RABGEF1: variants seen among roughly 807,000 people sequenced by gnomAD.
The protein encoded by RABGEF1 is RAB guanine nucleotide exchange factor 1.
In RABGEF1, 26 loss-of-function variants were observed where a neutral mutation model predicts 57.3. The ratio of observed to expected loss-of-function variants is 0.45; its 90% CI spans 0.33 to 0.63. The LOEUF is 0.63. Among genes scored for constraint, RABGEF1 ranks in the 20% least tolerant of loss-of-function variants. RABGEF1 has a pLI of 0.02. For synonymous variants in RABGEF1, 185 were observed against 210.7 expected (o/e 0.88, Z 1.06); for missense variants, 464 against 607.6 (o/e 0.76, Z 2.48).
intron 1 of RABGEF1, among the ~76,000 whole-genome samples, chr7:66,750,201 C>G (rs1471019923): frequency 6.6e-6 from 1 of 152,066 alleles, no homozygotes; most frequent in Non-Finnish European, 1.5e-5. Flanking sequence ...TTTTATTTGT[C>G]TAGGGTTTTA....
At chr7:66,684,474 A>G (rs1460197882) in intron 1 of RABGEF1, among the ~76,000 whole-genome samples, 1 of 152,118 alleles carries the variant, frequency 6.6e-6, no homozygotes, top group Admixed American at 6.5e-5. Flanking sequence ...AACAAAAACA[A>G]GAAAAGGTCT....
intron 2 of RABGEF1, among the ~76,000 whole-genome samples, chr7:66,715,882 TA>T (rs1795337897): frequency 6.6e-6 from 1 of 152,202 alleles, no homozygotes; most frequent in South Asian, 2.1e-4. Context: ...GCCTCCTGAA[TA>T]GCTGGGATTG....
At chr7:66,698,922 C>T (rs1469981228) in intron 1 of RABGEF1, among the ~76,000 whole-genome samples, 1 of 152,252 alleles carries the variant, frequency 6.6e-6, no homozygotes, top group Non-Finnish European at 1.5e-5. Context: ...GCTCTTTCCC[C>T]TTGGCTGGTC....
chr7:66,746,500 A>G (rs1482124855), intron 1 of RABGEF1, among the ~76,000 whole-genome samples: 1 of 151,458 alleles, frequency 6.6e-6, no homozygotes, highest in Non-Finnish European at 1.5e-5. Flanking sequence ...CATATTGGCC[A>G]GGCTGATCTC....
intron 1 of RABGEF1, among the ~76,000 whole-genome samples, chr7:66,748,596 A>C (rs1800755285): frequency 1.3e-5 from 2 of 152,218 alleles, no homozygotes; most frequent in Admixed American, 6.5e-5. Flanking sequence ...AACTCAACAA[A>C]GAATAAAATC....
chr7:66,794,767 A>G (rs998293408), intron 4 of RABGEF1, among the ~76,000 whole-genome samples: 1 of 152,202 alleles, frequency 6.6e-6, no homozygotes, highest in African/African-American at 2.4e-5. Flanking sequence ...TAGTCCTTAC[A>G]AAATTATTTA....
chr7:66,704,743 G>A (rs1394441575), intron 1 of RABGEF1, among the ~76,000 whole-genome samples: 3 of 151,658 alleles, frequency 2.0e-5, no homozygotes, highest in African/African-American at 4.8e-5. Context: ...CCCAGGAGGC[G>A]GAGTTTGCAG....
intron 2 of RABGEF1, 26 bp downstream of exon 2, chr7:66,772,104 T>A (rs1264834404): frequency 3.5e-6 from 5 of 1,441,076 alleles, no homozygotes; most frequent in African/African-American, 1.5e-5. Context: ...TAGGGGCGGT[T>A]GAACAGTGAC....
upstream of RABGEF1, among the ~76,000 whole-genome samples, chr7:66,679,773 T>A (rs1397024649): frequency 6.6e-6 from 1 of 151,350 alleles, no homozygotes; most frequent in Non-Finnish European, 1.5e-5. Flanking sequence ...CTCATGCCTG[T>A]AATCCCAGCA....
At chr7:66,658,175 A>G in the RABGEF1 span, among the ~76,000 whole-genome samples, 8 of 152,314 alleles carry the variant, frequency 5.3e-5, no homozygotes, top group African/African-American at 1.9e-4. Flanking sequence ...TTGAATAACC[A>G]AATGAAATGG....
chr7:66,755,037 G>A (rs574932793), intron 1 of RABGEF1, among the ~76,000 whole-genome samples: 45 of 152,308 alleles, frequency 3.0e-4, no homozygotes, highest in Non-Finnish European at 2.2e-4. Flanking sequence ...GCTCACACCT[G>A]TAATCCCAGC....
chr7:66,694,019 G>T (rs1254225611), intron 1 of RABGEF1, among the ~76,000 whole-genome samples: 3 of 152,136 alleles, frequency 2.0e-5, no homozygotes, highest in Admixed American at 1.3e-4. Context: ...ATGTTGGCCA[G>T]GCTGGTCTCG....
At chr7:66,745,793 A>G (rs766480206) in intron 1 of RABGEF1, among the ~76,000 whole-genome samples, 11 of 150,558 alleles carry the variant, frequency 7.3e-5, no homozygotes, top group Non-Finnish European at 1.6e-4. Flanking sequence ...AAAAGTGATC[A>G]CACTAAAACC....
intron 1 of RABGEF1, among the ~76,000 whole-genome samples, chr7:66,684,466 C>CAAAAT (rs1041072396): frequency 6.6e-6 from 1 of 152,024 alleles, no homozygotes; most frequent in Non-Finnish European, 1.5e-5. Flanking sequence ...CAAAACAAAA[C>CAAAAT]AAAAACAAGA....
chr7:66,682,023 T>G (rs1377077444), upstream of RABGEF1: 1 of 163,308 alleles, frequency 6.1e-6, no homozygotes, highest in African/African-American at 2.4e-5. Context: ...AGCCTTTGGA[T>G]CCCGCTCGCA....
chr7:66,797,463 A>G lies in RABGEF1; in HGVS notation c.685A>G (p.Thr229Ala). ...TAAATATGTATTCTGTCCAGAAACTACTGATGATGAGAAGAAAGATCTTGC... is the reference window on the plus strand; with the variant it reads ...TAAATATGTATTCTGTCCAGAAACTGCTGATGATGAGAAGAAAGATCTTGC... ...LYKYVFCPET[T>A]DDEKKDLAIQ... Residue 229 changes from threonine (T) to alanine (A), a missense_variant, in exon 6 of 9, where the codon ACT (threonine) becomes GCT (alanine). By Grantham distance (58) the Thr-to-Ala change is moderately conservative (BLOSUM62 0). Around this residue, in one of 4 missense-constraint regions of RABGEF1, gnomAD observed 284 missense variants for 389.9 expected, o/e 0.73. Transcript: ENST00000284957. The G allele has an allele frequency of 6.2e-7, 1 of 1,611,238 alleles. No homozygotes were observed. The highest frequency in any genetic ancestry group is 2.2e-5 in the East Asian group (1 of 44,866).
intron 8 of RABGEF1, 86 bp downstream of exon 8, chr7:66,805,482 A>G: frequency 6.4e-7 from 1 of 1,558,194 alleles, no homozygotes. Flanking sequence ...GGCCCGTGAC[A>G]GGTGAATGCT....
upstream of RABGEF1, chr7:66,740,590 G>A (rs567482392): frequency 6.1e-4 from 93 of 152,728 alleles, 1 homozygote; most frequent in South Asian, 0.012. Flanking sequence ...CGACCCTTTG[G>A]ATCCACTCGC....
chr7:66,755,882 T>G, intron 1 of RABGEF1: 1 of 506,998 alleles, frequency 2.0e-6, no homozygotes, highest in Non-Finnish European at 3.5e-6. Flanking sequence ...TTGATTATCA[T>G]TTGGAATTAT....
Sources: gnomAD v4.1 joint callset for allele counts (sites outside exome capture counted in the v4.1 genomes callset) on GRCh38, gnomAD v4.1.1 for gene constraint, gnomAD v4.1.1 regional missense constraint, MANE v1.5 for transcripts, NCBI Gene and HGNC (gene_info 2026-07-23, HGNC 2026-07-21) for gene names.